The following ZNF407 variants were observed in gnomAD, a reference collection of about 807,000 sequenced individuals.
ZNF407 encodes the protein zinc finger protein 407.
A neutral mutation model predicts 131.2 loss-of-function variants in ZNF407; 17 were observed. That is an observed-to-expected ratio of 0.13 (90% CI 0.09 to 0.19). ZNF407 has a LOEUF of 0.19. Ranked by LOEUF, ZNF407 falls within the 10% of genes least tolerant of loss-of-function variation. The pLI is 1.00. For synonymous variants in ZNF407, 1,156 were observed against 1,062.0 expected, an observed-to-expected ratio of 1.09 and a Z score of -1.72; for missense variants, 2,681 against 2,830.6, an observed-to-expected ratio of 0.95 and a Z score of 1.20.
chr18:74,943,050 G>A (rs1462978503), intron 8 of ZNF407, among the ~76,000 whole-genome samples: 1 of 151,802 alleles, frequency 6.6e-6, no homozygotes, highest in Non-Finnish European at 1.5e-5. Context: ...CAGGTAACTG[G>A]GGCTACAGGC....
chr18:75,027,861 G>A (rs1268320976), intron 8 of ZNF407, among the ~76,000 whole-genome samples: 1 of 152,196 alleles, frequency 6.6e-6, no homozygotes, highest in African/African-American at 2.4e-5. Flanking sequence ...GAGATGGTCA[G>A]CTGTAGCTAC....
intron 3 of ZNF407, among the ~76,000 whole-genome samples, chr18:74,661,074 TAA>T (rs1462734296): frequency 2.0e-5 from 3 of 152,182 alleles, no homozygotes; most frequent in Non-Finnish European, 4.4e-5. Flanking sequence ...TTCTTTGAGA[TAA>T]GAGTGTTTTG....
At chr18:74,702,281 G>A (rs914363963) in intron 3 of ZNF407, among the ~76,000 whole-genome samples, 3 of 152,058 alleles carry the variant, frequency 2.0e-5, no homozygotes, top group South Asian at 4.2e-4. Context: ...ATTCATGCAC[G>A]GGTCAGTTTT....
intron 3 of ZNF407, among the ~76,000 whole-genome samples, chr18:74,704,433 G>A (rs983787847): frequency 3.3e-5 from 5 of 152,162 alleles, no homozygotes; most frequent in Admixed American, 3.3e-4. Context: ...GTTCAGTAGA[G>A]TTTAACTGTA....
chr18:74,893,894 T>A (rs1436742567), intron 7 of ZNF407, among the ~76,000 whole-genome samples: 1 of 152,154 alleles, frequency 6.6e-6, no homozygotes, highest in African/African-American at 2.4e-5. Flanking sequence ...TATTCCTATA[T>A]TTGCCATTAT....
At chr18:75,022,345 A>G (rs1029583699) in intron 8 of ZNF407, among the ~76,000 whole-genome samples, 7 of 152,202 alleles carry the variant, frequency 4.6e-5, no homozygotes, top group African/African-American at 1.7e-4. Flanking sequence ...CTATTTACTG[A>G]AAGTAGCCCA....
chr18:74,906,857 ATG>A (rs1971602617), intron 7 of ZNF407, among the ~76,000 whole-genome samples: 3 of 152,184 alleles, frequency 2.0e-5, no homozygotes, highest in Admixed American at 6.5e-5. Flanking sequence ...TGAGTATTTT[ATG>A]TGTGTATGTG....
intron 8 of ZNF407, among the ~76,000 whole-genome samples, chr18:74,939,687 A>G (rs113588438): frequency 7.7e-4 from 118 of 152,342 alleles, no homozygotes; most frequent in African/African-American, 2.8e-3. Flanking sequence ...GGAACTCTCA[A>G]CATATTAAGT....
At chr18:74,765,446 G>A (rs1467495946) in intron 3 of ZNF407, among the ~76,000 whole-genome samples, 1 of 152,150 alleles carries the variant, frequency 6.6e-6, no homozygotes, top group African/African-American at 2.4e-5. Context: ...ACATGAAAAT[G>A]ATTTTTTTGC....
intron 1 of ZNF407, among the ~76,000 whole-genome samples, chr18:74,599,000 GGTGACATCC>G (rs2144596406): frequency 6.6e-6 from 1 of 152,214 alleles, no homozygotes; most frequent in East Asian, 1.9e-4. Context: ...GTCTATGCCT[GGTGACATCC>G]TAGTCGTAGT....
chr18:74,771,301 C>T (rs1283711406), intron 3 of ZNF407, among the ~76,000 whole-genome samples: 4 of 152,070 alleles, frequency 2.6e-5, no homozygotes, highest in African/African-American at 9.7e-5. Context: ...AAACAAATTT[C>T]ATATAATCAT....
At chr18:75,039,080 CAAAAG>C (rs1340765788) in intron 8 of ZNF407, among the ~76,000 whole-genome samples, 1 of 152,176 alleles carries the variant, frequency 6.6e-6, no homozygotes, top group Non-Finnish European at 1.5e-5. Context: ...TTCCTAATAA[CAAAAG>C]AAGAAGCAGT....
chr18:74,638,034 G>A (rs1441708287), intron 2 of ZNF407, among the ~76,000 whole-genome samples: 2 of 152,198 alleles, frequency 1.3e-5, no homozygotes, highest in African/African-American at 4.8e-5. Flanking sequence ...GCATTGGTCT[G>A]TCAAAGCTTT....
At chr18:74,765,666 C>A (rs1166138788) in intron 3 of ZNF407, among the ~76,000 whole-genome samples, 1 of 152,116 alleles carries the variant, frequency 6.6e-6, no homozygotes. Flanking sequence ...GATCAATAAT[C>A]GCTGAATCCT....
At position 74,638,695 on chromosome 18, in the gene ZNF407, G is replaced by A. The variant is rs1372522695; in HGVS notation, c.4688-2313G>A. Among the ~76,000 whole-genome samples the A allele has an allele frequency of 8.5e-5, 13 of 152,128 alleles. No individual in the cohort carries two copies. The Middle Eastern group carries it at 0.017, about 199-fold the overall frequency. On this transcript the variant is annotated intron_variant, in intron 2 of 8. Coordinates refer to ENST00000299687, the MANE Select transcript of ZNF407 (RefSeq NM_017757.3). The stretch of plus-strand genomic sequence containing the variant: ...TTTGAAAAAACCTTATGGACCAAAT[G>A]AAAACCAAAAAACCTACTGAGGATA...
At chr18:74,834,302 C>T (rs372347416) in intron 4 of ZNF407, among the ~76,000 whole-genome samples, 20 of 152,328 alleles carry the variant, frequency 1.3e-4, no homozygotes, top group Middle Eastern at 3.4e-3. Context: ...CCCCATAGGG[C>T]CTTCTTGCAG....
chr18:74,663,203 C>T (rs1049419594), intron 3 of ZNF407, among the ~76,000 whole-genome samples: 8 of 152,132 alleles, frequency 5.3e-5, no homozygotes, highest in Non-Finnish European at 8.8e-5. Flanking sequence ...ATAAGGGCAT[C>T]GTGCTTGGGA....
intron 3 of ZNF407, among the ~76,000 whole-genome samples, chr18:74,686,744 A>G (rs1967105436): frequency 6.6e-6 from 1 of 152,258 alleles, no homozygotes; most frequent in Non-Finnish European, 1.5e-5. Flanking sequence ...TAGTGAAAGA[A>G]GTGATTCATG....
intron 3 of ZNF407, among the ~76,000 whole-genome samples, chr18:74,647,452 A>T (rs754870798): frequency 6.6e-5 from 10 of 152,230 alleles, no homozygotes; most frequent in East Asian, 3.9e-4. Context: ...TCTAAAAAAA[A>T]AATCTTCTTG....
Sources: gnomAD v4.1 joint callset for allele counts (sites outside exome capture counted in the v4.1 genomes callset) on GRCh38, gnomAD v4.1.1 for gene constraint, MANE v1.5 for transcripts, NCBI Gene and HGNC (gene_info 2026-07-23, HGNC 2026-07-21) for gene names.